The following IGF1R variants were observed in gnomAD, a reference collection of about 807,000 sequenced individuals.
The protein encoded by IGF1R is insulin-like growth factor 1 receptor.
Under a neutral mutation model 144.6 loss-of-function variants are expected in IGF1R, and 44 were observed. The observed-to-expected ratio is 0.30, with a 90% CI of 0.24 to 0.39. The LOEUF is 0.39. Ranked by LOEUF, IGF1R falls within the 10% of genes least tolerant of loss-of-function variation. IGF1R has a pLI of 1.00. For missense variants in IGF1R, 1,355 were observed against 1,833.7 expected, an observed-to-expected ratio of 0.74 and a Z score of 4.77; for synonymous variants, 795 against 722.8, an observed-to-expected ratio of 1.10 and a Z score of -1.60.
chr15:98,911,331 G>A lies in IGF1R; in HGVS notation c.1479G>A (p.Leu493=), dbSNP rs1567193504. Residue 493 remains leucine, a synonymous_variant, in exon 7 of 21, where the codon CTG becomes CTA. Transcript: ENST00000650285. ...TTGCCCCAGGTGAAAGTGACGTCCTGCATTTCACCTCCACCACCACGTCGA... is the reference window on the plus strand; with the variant it reads ...TTGCCCCAGGTGAAAGTGACGTCCTACATTTCACCTCCACCACCACGTCGA... ...GERASCESDV[L]HFTSTTTSKN... is the part of the protein sequence containing the mutation. 1 of 1,614,106 alleles carries A rather than the reference G, an allele frequency of 6.2e-7. No homozygotes were observed. Among genetic ancestry groups the A allele is most frequent in the East Asian group, 2.2e-5 (1 of 44,876 alleles).
chr15:98,668,325 T>A (rs1211498761), intron 1 of IGF1R, among the ~76,000 whole-genome samples: 1 of 152,124 alleles, frequency 6.6e-6, no homozygotes, highest in African/African-American at 2.4e-5. Context: ...GTCATGCAGT[T>A]CAGAACAGTG....
intron 2 of IGF1R, among the ~76,000 whole-genome samples, chr15:98,743,286 A>G (rs1390118415): frequency 6.6e-6 from 1 of 152,220 alleles, no homozygotes; most frequent in Non-Finnish European, 1.5e-5. Flanking sequence ...GTATACTACC[A>G]AGTTCTTACA....
chr15:98,700,644 T>C (rs1192383613), intron 1 of IGF1R, among the ~76,000 whole-genome samples: 1 of 152,178 alleles, frequency 6.6e-6, no homozygotes, highest in Non-Finnish European at 1.5e-5. Context: ...TCAGTCTGCT[T>C]TCTAGCATCT....
intron 13 of IGF1R, among the ~76,000 whole-genome samples, chr15:98,925,156 A>G (rs145822600): frequency 6.6e-6 from 1 of 152,168 alleles, no homozygotes; most frequent in Admixed American, 6.5e-5. Flanking sequence ...GCTACAGGGC[A>G]GGAATCTCCA....
intron 8 of IGF1R, among the ~76,000 whole-genome samples, chr15:98,914,696 C>G (rs902578789): frequency 6.6e-6 from 1 of 152,202 alleles, no homozygotes; most frequent in African/African-American, 2.4e-5. Flanking sequence ...TCTCAAGAAA[C>G]CTGTTTCCTT....
chr15:98,648,581 C>A lies in IGF1R; in HGVS notation c.-1001C>A, dbSNP rs1420272546. On this transcript the variant is annotated 5_prime_UTR_variant, in exon 1 of 21. Coordinates refer to ENST00000650285, the MANE Select transcript of IGF1R (RefSeq NM_000875.5). ...GCGGCGGCGCGGCGAGGCTGGGGCT[C>A]TTGTTTACCAGCATTAACTCCGCTG... Among the ~76,000 whole-genome samples the A allele has an allele frequency of 6.9e-6, 1 of 144,506 alleles. No individual in the cohort carries two copies. The highest frequency in any genetic ancestry group is 1.5e-5 in the Non-Finnish European group (1 of 65,352). The allele number at this position is 144,506 out of a possible 152,430, so 94.8% of individuals were successfully genotyped here. A position where few individuals can be genotyped will look rare whatever the true frequency, so the allele number is the denominator to read the frequency against.
intron 7 of IGF1R, 117 bp downstream of exon 7, chr15:98,911,558 A>G (rs1377273360): frequency 7.4e-6 from 10 of 1,358,156 alleles, no homozygotes; most frequent in Non-Finnish European, 1.0e-5. Context: ...GTCCCCAGGG[A>G]GAGCCACGCC....
intron 1 of IGF1R, among the ~76,000 whole-genome samples, chr15:98,705,755 G>A (rs192542221): frequency 5.1e-4 from 78 of 152,220 alleles, no homozygotes; most frequent in African/African-American, 1.7e-3. Context: ...CCTGCACTGG[G>A]CCACCAGATT....
chr15:98,759,157 A>T (rs558178631), intron 2 of IGF1R, among the ~76,000 whole-genome samples: 23 of 152,310 alleles, frequency 1.5e-4, no homozygotes, highest in African/African-American at 5.1e-4. Flanking sequence ...GTACACACGC[A>T]CAGGGGCAGG....
intron 2 of IGF1R, among the ~76,000 whole-genome samples, chr15:98,804,172 A>T (rs2056423020): frequency 6.6e-6 from 1 of 152,214 alleles, no homozygotes; most frequent in South Asian, 2.1e-4. Context: ...TGCAGTACAC[A>T]TGTGTGGTCA....
At chr15:98,776,034 A>G (rs1013138345) in intron 2 of IGF1R, among the ~76,000 whole-genome samples, 10 of 152,166 alleles carry the variant, frequency 6.6e-5, no homozygotes, top group Non-Finnish European at 1.0e-4. Flanking sequence ...GACTTTCTCA[A>G]TCACATGTAA....
intron 1 of IGF1R, among the ~76,000 whole-genome samples, chr15:98,678,132 G>C (rs903934956): frequency 6.6e-6 from 1 of 152,166 alleles, no homozygotes; most frequent in African/African-American, 2.4e-5. Flanking sequence ...CATTCATTTG[G>C]ATTCAGAAGT....
At position 98,942,175 on chromosome 15, in the gene IGF1R, T is replaced by C. The variant is rs1057069070; in HGVS notation, c.3458-748T>C. Reference sequence around the variant, plus strand: ...TTATTAAGCAGTGAAATTATTTACTTTTCTCCAGTGGTGGGGCAGTGCTAC... The same window carrying C: ...TTATTAAGCAGTGAAATTATTTACTCTTCTCCAGTGGTGGGGCAGTGCTAC... On this transcript the variant is annotated intron_variant, in intron 18 of 20. Transcript: ENST00000650285. Among the ~76,000 whole-genome samples the C allele has an allele frequency of 2.0e-4, 30 of 152,288 alleles. 2 individuals carry two copies. The highest frequency in any genetic ancestry group is 7.0e-4 in the African/African-American group (29 of 41,558).
chr15:98,923,101 G>T (rs1222484988), intron 11 of IGF1R, among the ~76,000 whole-genome samples: 1 of 152,218 alleles, frequency 6.6e-6, no homozygotes, highest in Non-Finnish European at 1.5e-5. Flanking sequence ...CAGTCGTCAG[G>T]CTCCCTGCCT....
At chr15:98,812,333 T>G (rs1446886373) in intron 2 of IGF1R, among the ~76,000 whole-genome samples, 1 of 152,122 alleles carries the variant, frequency 6.6e-6, no homozygotes, top group East Asian at 1.9e-4. Flanking sequence ...TGTATTATTT[T>G]TACATTGTTG....
chr15:98,831,391 T>C (rs1382448547), intron 2 of IGF1R, among the ~76,000 whole-genome samples: 1 of 152,172 alleles, frequency 6.6e-6, no homozygotes, highest in Non-Finnish European at 1.5e-5. Context: ...TAGCCCACTG[T>C]TATCTGTTGT....
intron 1 of IGF1R, among the ~76,000 whole-genome samples, chr15:98,674,440 C>T (rs138353272): frequency 1.3e-5 from 2 of 152,304 alleles, no homozygotes; most frequent in Non-Finnish European, 2.9e-5. Flanking sequence ...TACTTCTTTT[C>T]CAGAAGAGTC....
intron 2 of IGF1R, among the ~76,000 whole-genome samples, chr15:98,773,018 T>G (rs919351163): frequency 2.6e-5 from 4 of 152,202 alleles, no homozygotes. Flanking sequence ...TACCACATAT[T>G]TGCATGCCTC....
chr15:98,741,540 C>T (rs375930384), intron 2 of IGF1R, among the ~76,000 whole-genome samples: 60 of 152,268 alleles, frequency 3.9e-4, no homozygotes, highest in African/African-American at 1.3e-3. Flanking sequence ...ACAATCCCTT[C>T]TCTGAGAATA....
Sources: allele counts gnomAD v4.1 joint callset (sites outside exome capture counted in the v4.1 genomes callset), GRCh38; gene constraint gnomAD v4.1.1; transcripts MANE v1.5; gene names NCBI Gene and HGNC (gene_info 2026-07-23, HGNC 2026-07-21).